DCTN1: variants seen among roughly 807,000 people sequenced by gnomAD.
DCTN1 encodes 150 kDa dynein-associated polypeptide.
In DCTN1, 61 loss-of-function variants were observed where a neutral mutation model predicts 161.2. The observed-to-expected ratio is 0.38, with a 90% CI of 0.31 to 0.47. The LOEUF is 0.47. DCTN1 is among the 20% of genes least tolerant of loss of function. The pLI, the probability that DCTN1 is intolerant of heterozygous loss-of-function variation, is 0.99. For synonymous variants in DCTN1, 653 were observed against 632.4 expected, an observed-to-expected ratio of 1.03 and a Z score of -0.49; for missense variants, 1,404 against 1,623.7, an observed-to-expected ratio of 0.86 and a Z score of 2.33.
chr2:74,365,310 G>C, intron 25 of DCTN1, 69 bp from the exon 26 acceptor site: 4 of 1,594,902 alleles, frequency 2.5e-6, no homozygotes, highest in Admixed American at 1.8e-5. Flanking sequence ...TCAGTCCTGA[G>C]AGGTCCTTGG....
chr2:74,374,191 C>G (rs1178799294), intron 6 of DCTN1, 132 bp downstream of exon 6: 2 of 926,446 alleles, frequency 2.2e-6, no homozygotes, highest in Admixed American at 4.0e-5. Context: ...TCTCCCTAAC[C>G]CACCTTCGTC....
At chr2:74,365,485 G>C in intron 25 of DCTN1, 30 bp downstream of exon 25, 1 of 1,614,050 alleles carries the variant, frequency 6.2e-7, no homozygotes, top group Non-Finnish European at 8.5e-7. Flanking sequence ...GAGGATTAGA[G>C]GAAGCAAGGC....
Position 74,365,213 on chromosome 2 carries a change from G to A in DCTN1, c.3058C>T (p.Gln1020Ter). ...KEFEETMDALQADIDQLEAEK... is the reference protein window; with the variant it reads ...KEFEETMDAL ...GCCTCCAGCTGGTCGATGTCAGCCT[G>A]GAGTGCATCCATTGTCTCCTCAAAC... is the stretch of plus-strand genomic sequence containing the variant. Residue 1020 changes from glutamine (Q) to a stop codon, truncating the protein, a stop_gained, in exon 26 of 32, where the codon CAG becomes TAG. Transcript: ENST00000628224. LOFTEE classifies it high-confidence loss of function. 1 of 1,614,186 alleles carries A rather than the reference G, an allele frequency of 6.2e-7. No homozygotes were observed. Among genetic ancestry groups the A allele is most frequent in the Non-Finnish European group, 8.5e-7 (1 of 1,180,046 alleles).
At position 74,361,515 on chromosome 2, in the gene DCTN1, C is replaced by T. The variant is rs753974651; in HGVS notation, c.3821G>A (p.Ser1274Asn). The T allele has an allele frequency of 1.2e-6, 2 of 1,614,120 alleles. No individual in the cohort carries two copies. Among genetic ancestry groups the T allele is most frequent in the South Asian group, 2.2e-5 (2 of 91,080 alleles). The change falls in exon 32 of 32, where the codon AGT becomes AAT. Residue 1274 changes from serine (S) to asparagine (N), a missense_variant. Ser to Asn is a conservative substitution (Grantham distance 46). Coordinates refer to ENST00000628224, the MANE Select transcript of DCTN1 (RefSeq NM_004082.5). Reference protein sequence around the residue: ...LTQEQLHQLHSRLIS With the variant: ...LTQEQLHQLHNRLIS ...AAGGAGTGCTTAGGAGATGAGGCGA[C>T]TGTGAAGCTGGTGCAGCTGCTCCTG...
Position 74,366,582 on chromosome 2 carries a change from C to T in DCTN1, c.2505G>A (p.Thr835=), listed in dbSNP as rs767877041. The T allele has an allele frequency of 8.7e-6, 14 of 1,613,210 alleles. 1 individual carries two copies. The highest frequency in any genetic ancestry group is 6.6e-5 in the South Asian group (6 of 91,090). Reference sequence around the variant, plus strand: ...CCTCCTGCAGCACAGCCACGACCCACGTCAAGTGTTTCCTGCAGTCTAGGA... The same window carrying T: ...CCTCCTGCAGCACAGCCACGACCCATGTCAAGTGTTTCCTGCAGTCTAGGA... ...DTLLDCRKHL[T]WVVAVLQEVA... The change falls in exon 22 of 32, where the codon ACG becomes ACA. Residue 835 remains threonine, a synonymous_variant. Transcript: ENST00000628224.
upstream of DCTN1, among the ~76,000 whole-genome samples, chr2:74,382,947 C>T (rs1395247958): frequency 1.3e-5 from 2 of 151,534 alleles, no homozygotes; most frequent in African/African-American, 4.8e-5. Context: ...CGGTGGCGGG[C>T]GCCTGTAGTC....
rs746148076 is a variant in DCTN1, at chr2:74,365,119, G to A, written c.3152C>T (p.Pro1051Leu). 1.2e-6 allele frequency: 2 copies of A among 1,614,170 alleles called. No individual in the cohort carries two copies. The highest frequency in any genetic ancestry group is 2.2e-5 in the East Asian group (1 of 44,882). ...CAGAGTAGCAATGCCTGAAGGAGGA[G>A]GGCCCCGGAGTCCCTCAATCGTGCG... ...SKRTIEGLRG[P>L]PPSGIATLVS... The change falls in exon 26 of 32, where the codon CCT becomes CTT. Residue 1051 changes from proline (P) to leucine (L), a missense_variant. Coordinates refer to ENST00000628224, the MANE Select transcript of DCTN1 (RefSeq NM_004082.5).
upstream of DCTN1, chr2:74,380,412 C>A (rs1266891243): frequency 2.0e-6 from 1 of 500,690 alleles, no homozygotes; most frequent in East Asian, 5.9e-5. Flanking sequence ...GGGCATACGC[C>A]ACAGACCCTC....
chr2:74,371,834 G>A, intron 7 of DCTN1, 106 bp from the exon 8 acceptor site: 4 of 927,806 alleles, frequency 4.3e-6, no homozygotes, highest in East Asian at 2.6e-5. Flanking sequence ...AGACAGAAAA[G>A]GGAAAAAGCA....
chr2:74,383,545 G>A (rs1675602764), upstream of DCTN1, among the ~76,000 whole-genome samples: 2 of 152,222 alleles, frequency 1.3e-5, no homozygotes, highest in South Asian at 4.1e-4. Context: ...GCAGGCAGGA[G>A]CAACCTGGCA....
chr2:74,371,021 C>T lies in DCTN1; in HGVS notation c.801G>A (p.Glu267=), dbSNP rs1457135370. 6.8e-6 allele frequency: 11 copies of T among 1,614,106 alleles called. No homozygotes were observed. The highest frequency in any genetic ancestry group is 1.3e-5 in the African/African-American group (1 of 74,954). ...GGCGCCGCTGCAGGTCGGCCTGCTG[C>T]TCCTGCATTTTGCTCTTCCATTCCT... ...QVQEWKSKMQ[E]QQADLQRRLK... is the part of the protein sequence containing the mutation. Residue 267 remains glutamate, a synonymous_variant, in exon 9 of 32, where the codon GAG becomes GAA. Coordinates refer to ENST00000628224, the MANE Select transcript of DCTN1 (RefSeq NM_004082.5).
In DCTN1 at chr2:74,370,021, G is replaced by A. The variant is rs1279930374; in HGVS notation, c.1336C>T (p.Arg446Trp). The change falls in exon 13 of 32, where the codon CGG (arginine) becomes TGG (tryptophan). Residue 446 changes from arginine to tryptophan, a missense_variant. Around this residue, in one of 9 missense-constraint regions of DCTN1, gnomAD observed 278 missense variants for 363.8 expected, o/e 0.76. Transcript: ENST00000628224. The surrounding 1 kb of genome is among the most constrained non-coding windows in gnomAD (Gnocchi z 4.4). The part of the protein sequence containing the change: ...AEEMVEMLTD[R>W]NLNLEEKVRE... ...ACTTTCTCTTCCAGATTCAGGTTCC[G>A]ATCTGTCAGCATCTCCACCATCTCC... 1.4e-5 allele frequency: 22 copies of A among 1,614,028 alleles called. No individual in the cohort carries two copies. Among genetic ancestry groups the A allele is most frequent in the African/African-American group, 2.7e-5 (2 of 74,902 alleles).
intron 1 of DCTN1, among the ~76,000 whole-genome samples, chr2:74,389,677 C>A (rs990208199): frequency 2.6e-5 from 4 of 152,174 alleles, no homozygotes; most frequent in African/African-American, 9.7e-5. Flanking sequence ...TTCAGTCTGC[C>A]ATGTAATAGC....
upstream of DCTN1, among the ~76,000 whole-genome samples, chr2:74,383,094 AT>A (rs199655113): frequency 6.2e-3 from 926 of 149,836 alleles, 17 homozygotes; most frequent in African/African-American, 0.02. Context: ...AAAAAAAAAA[AT>A]AAATAAATAA....
At chr2:74,376,444 C>T (rs1675228956) in intron 5 of DCTN1, among the ~76,000 whole-genome samples, 1 of 152,214 alleles carries the variant, frequency 6.6e-6, no homozygotes, top group South Asian at 2.1e-4. Context: ...AGTAAATGAT[C>T]TATTTCACAC....
rs747139944 is a variant in DCTN1 at position 74,367,802 on chromosome 2, C to T, written c.2078G>A (p.Ser693Asn). The change falls in exon 18 of 32, where the codon AGT becomes AAT. Residue 693 changes from serine (S) to asparagine (N), a missense_variant. Transcript: ENST00000628224. ...GAAATCCAAGGAGCGCTCATGGGCA[C>T]TCATCTCAGGGTACAGGCTGCCCAC... ...KKVGSLYPEM[S>N]AHERSLDFLI... 6.2e-7 allele frequency: 1 copy of T among 1,614,174 alleles called. No individual in the cohort carries two copies. Among genetic ancestry groups the T allele is most frequent in the Admixed American group, 1.7e-5 (1 of 60,014 alleles).
At chr2:74,362,246 T>A in intron 30 of DCTN1, 105 bp from the exon 31 acceptor site, 4 of 969,774 alleles carry the variant, frequency 4.1e-6, no homozygotes, top group Non-Finnish European at 4.9e-6. Context: ...GGGCAGGGAC[T>A]TAGTCCTCTA....
Position 74,369,847 on chromosome 2 carries a change from G to A in DCTN1, c.1392+118C>T. 2 of 973,450 alleles carry A rather than the reference G, an allele frequency of 2.1e-6. No individual in the cohort carries two copies. The highest frequency in any genetic ancestry group is 3.3e-6 in the Non-Finnish European group (2 of 614,108). 60.3% of individuals were successfully genotyped at this position (973,450 alleles called of 1,614,324 possible). A position where few individuals can be genotyped will look rare whatever the true frequency, so the allele number is the denominator to read the frequency against. On this transcript the variant is annotated intron_variant, in intron 13 of 31. Transcript: ENST00000628224. This position sits in a 1 kb window ranked among gnomAD's most constrained non-coding sequence, Gnocchi z 4.9. Reference sequence around the variant, plus strand: ...AAAAAAAAAAAAAAAGGCAGGGTCAGGGTAGCAAGCCCAGGCTGGGTCCCT... The same window carrying A: ...AAAAAAAAAAAAAAAGGCAGGGTCAAGGTAGCAAGCCCAGGCTGGGTCCCT...
rs758964727 is a variant in DCTN1, at chr2:74,374,313, G to A, written c.432+10C>T. Reference sequence around the variant, plus strand: ...CAACCCAGCAGCAGGACGAGAGCAAGCAAGAGTACCTTTCGGGCTGTCGGT... The same window carrying A: ...CAACCCAGCAGCAGGACGAGAGCAAACAAGAGTACCTTTCGGGCTGTCGGT... On this transcript the variant is annotated intron_variant, in intron 6 of 31. Coordinates refer to ENST00000628224, the MANE Select transcript of DCTN1 (RefSeq NM_004082.5). 6.2e-7 allele frequency: 1 copy of A among 1,606,408 alleles called. No homozygotes were observed. Among genetic ancestry groups the A allele is most frequent in the Admixed American group, 1.7e-5 (1 of 59,728 alleles).
Sources: allele counts gnomAD v4.1 joint callset (sites outside exome capture counted in the v4.1 genomes callset), GRCh38; gene constraint gnomAD v4.1.1; regional missense constraint gnomAD v4.1.1; non-coding constraint Gnocchi (gnomAD v3.1); transcripts MANE v1.5; gene names NCBI Gene and HGNC (gene_info 2026-07-23, HGNC 2026-07-21).